PLEKHA5: variants seen among roughly 807,000 people sequenced by gnomAD.
PLEKHA5 encodes pleckstrin homology domain-containing family A member 5.
Under a neutral mutation model 181.9 loss-of-function variants are expected in PLEKHA5, and 55 were observed. The observed-to-expected ratio is 0.30, with a 90% CI of 0.24 to 0.38. PLEKHA5 has a LOEUF of 0.38. PLEKHA5 is among the 10% of genes least tolerant of loss of function. The probability of loss-of-function intolerance (pLI) is 1.00; values close to 1 mark genes in which losing one functional copy is unlikely to be tolerated. For synonymous variants in PLEKHA5, 535 were observed against 529.4 expected, an observed-to-expected ratio of 1.01 and a Z score of -0.15; for missense variants, 1,432 against 1,549.5, an observed-to-expected ratio of 0.92 and a Z score of 1.27.
chr12:19,197,072 T>C (rs1204244334), intron 3 of PLEKHA5, among the ~76,000 whole-genome samples: 1 of 152,106 alleles, frequency 6.6e-6, no homozygotes, highest in Non-Finnish European at 1.5e-5. Flanking sequence ...GGTAGCTCTC[T>C]TCCCCACTGA....
At chr12:19,134,373 A>G (rs184226438) in intron 3 of PLEKHA5, among the ~76,000 whole-genome samples, 44 of 152,218 alleles carry the variant, frequency 2.9e-4, no homozygotes, top group African/African-American at 1.0e-3. Flanking sequence ...TCATTTTGGT[A>G]TTCATAGCCA....
intron 15 of PLEKHA5, among the ~76,000 whole-genome samples, chr12:19,309,753 AAAT>A (rs1565600366): frequency 6.6e-6 from 1 of 152,078 alleles, no homozygotes; most frequent in African/African-American, 2.4e-5. Context: ...TCAAAAAAAA[AAAT>A]AATAAAATCT....
intron 22 of PLEKHA5, among the ~76,000 whole-genome samples, chr12:19,343,916 G>C (rs1465526330): frequency 6.6e-6 from 1 of 152,102 alleles, no homozygotes; most frequent in Non-Finnish European, 1.5e-5. Flanking sequence ...GCCAGGCATG[G>C]TGGCGCATGC....
intron 3 of PLEKHA5, among the ~76,000 whole-genome samples, chr12:19,158,063 C>T (rs923851779): frequency 6.6e-5 from 10 of 151,898 alleles, no homozygotes; most frequent in Non-Finnish European, 8.8e-5. Context: ...TTAAGTTTGG[C>T]GGGTGCTGGG....
intron 6 of PLEKHA5, among the ~76,000 whole-genome samples, chr12:19,260,377 A>G (rs562926404): frequency 6.6e-6 from 1 of 152,290 alleles, no homozygotes; most frequent in South Asian, 2.1e-4. Context: ...GTGAATTCCA[A>G]ATTGCTTACA....
chr12:19,162,071 G>C (rs980873766), intron 3 of PLEKHA5, among the ~76,000 whole-genome samples: 4 of 152,076 alleles, frequency 2.6e-5, no homozygotes, highest in African/African-American at 9.7e-5. Flanking sequence ...CATAATGGAA[G>C]GAAATGCTAA....
chr12:19,257,302 A>C, intron 5 of PLEKHA5, 131 bp from the exon 6 acceptor site: 1 of 534,050 alleles, frequency 1.9e-6, no homozygotes, highest in East Asian at 3.2e-5. Flanking sequence ...AATTTTAATA[A>C]TTTTTCTGAA....
At chr12:19,142,535 A>G (rs1033170058) in intron 3 of PLEKHA5, among the ~76,000 whole-genome samples, 1 of 152,246 alleles carries the variant, frequency 6.6e-6, no homozygotes, top group Non-Finnish European at 1.5e-5. Flanking sequence ...TGGAAAACAC[A>G]TCTGTATTTA....
At chr12:19,237,957 C>G (rs2061682743) in intron 3 of PLEKHA5, among the ~76,000 whole-genome samples, 1 of 151,698 alleles carries the variant, frequency 6.6e-6, no homozygotes, top group South Asian at 2.1e-4. Context: ...TAATTTCATT[C>G]TATTTATATT....
intron 3 of PLEKHA5, among the ~76,000 whole-genome samples, chr12:19,177,262 A>G (rs181532459): frequency 6.6e-6 from 1 of 152,294 alleles, no homozygotes; most frequent in Non-Finnish European, 1.5e-5. Context: ...AGCTTTTAAA[A>G]ATATTGAACA....
intron 20 of PLEKHA5, among the ~76,000 whole-genome samples, chr12:19,325,613 G>A (rs868167039): frequency 2.6e-5 from 4 of 151,150 alleles, no homozygotes; most frequent in Middle Eastern, 3.5e-3. Context: ...GCTTGAACCC[G>A]GGAGGCGGTG....
intron 3 of PLEKHA5, among the ~76,000 whole-genome samples, chr12:19,202,611 C>T (rs567438332): frequency 1.4e-3 from 208 of 152,034 alleles, no homozygotes; most frequent in African/African-American, 4.8e-3. Context: ...AGTGTTAAGA[C>T]TCAGCCCGTA....
In PLEKHA5 at chr12:19,130,468, C is replaced by A. The variant is rs2033282822; in HGVS notation, c.169+338C>A. On this transcript the variant is annotated intron_variant, in intron 2 of 31. Coordinates refer to ENST00000429027, the MANE Select transcript of PLEKHA5 (RefSeq NM_001256470.2). The surrounding 1 kb of genome is among the most constrained non-coding windows in gnomAD (Gnocchi z 4.5). ...TGAAACCTGGAGTCCTGAGTTTTTC[C>A]TCCGCGGCCGCTACTCACTCCCCGG... 6.6e-6 allele frequency among the ~76,000 whole-genome samples: 1 copy of A among 151,968 alleles called. No homozygotes were observed. Among genetic ancestry groups the A allele is most frequent in the East Asian group, 1.9e-4 (1 of 5,146 alleles).
At chr12:19,150,595 C>A (rs1475420600) in intron 3 of PLEKHA5, 2 of 152,182 alleles carry the variant, frequency 1.3e-5, no homozygotes, top group East Asian at 3.8e-4. Context: ...AGAATAGTGC[C>A]TTTCTGTTCT....
rs555372429 is a variant in PLEKHA5, at chr12:19,261,811, T to C, written c.610+790T>C. Among the ~76,000 whole-genome samples the C allele has an allele frequency of 4.6e-5, 7 of 152,312 alleles. No individual in the cohort carries two copies. In the East Asian group the frequency reaches 1.4e-3, roughly 29 times the overall value. ...ACAGAGTTTTAGAACTGATTAGCAG[T>C]TTCTACATTTTTTGACTGCACAAAA... On this transcript the variant is annotated intron_variant, in intron 7 of 31. Transcript: ENST00000429027.
intron 3 of PLEKHA5, among the ~76,000 whole-genome samples, chr12:19,135,726 T>C (rs959731956): frequency 2.0e-5 from 3 of 152,170 alleles, no homozygotes; most frequent in East Asian, 1.9e-4. Context: ...GTAAGAGTTG[T>C]ATAGGTTTGA....
At chr12:19,360,308 AAAAAAC>A (rs893085302) in intron 28 of PLEKHA5, among the ~76,000 whole-genome samples, 1 of 151,932 alleles carries the variant, frequency 6.6e-6, no homozygotes, top group African/African-American at 2.4e-5. Flanking sequence ...GTTTCAAAAA[AAAAAAC>A]AAAAAAAACG....
At chr12:19,361,790 G>A in intron 29 of PLEKHA5, 84 bp downstream of exon 29, 2 of 1,190,804 alleles carry the variant, frequency 1.7e-6, no homozygotes, top group Non-Finnish European at 2.4e-6. Flanking sequence ...AAAAGTACTG[G>A]ATTTCAGCCC....
chr12:19,349,952 A>G (rs2094514918), intron 25 of PLEKHA5, among the ~76,000 whole-genome samples: 3 of 152,048 alleles, frequency 2.0e-5, no homozygotes, highest in Admixed American at 1.3e-4. Flanking sequence ...CTCTACTAAA[A>G]ATACAAAAAA....
Sources: allele counts gnomAD v4.1 joint callset (sites outside exome capture counted in the v4.1 genomes callset), GRCh38; gene constraint gnomAD v4.1.1; non-coding constraint Gnocchi (gnomAD v3.1); transcripts MANE v1.5; gene names NCBI Gene and HGNC (gene_info 2026-07-23, HGNC 2026-07-21).